Variants in MNS1 observed in about 807,000 individuals in gnomAD.
MNS1 encodes the protein meiosis specific nuclear structural 1.
A neutral mutation model predicts 72.0 loss-of-function variants in MNS1; 63 were observed. The observed-to-expected ratio is 0.87, with a 90% confidence interval of 0.71 to 1.08. The LOEUF is 1.08. MNS1 is among the 50% of genes least tolerant of loss of function. The pLI, the probability that MNS1 is intolerant of heterozygous loss-of-function variation, is 0.00. For synonymous variants in MNS1, 188 were observed against 172.1 expected (o/e 1.09, Z -0.72); for missense variants, 604 against 562.4 (o/e 1.07, Z -0.75).
chr15:56,444,898 C>T (rs1410464276), intron 4 of MNS1, among the ~76,000 whole-genome samples: 2 of 152,018 alleles, frequency 1.3e-5, no homozygotes, highest in African/African-American at 2.4e-5. Context: ...TCTCTCAGGA[C>T]AATACCTGAT....
Position 56,428,732 on chromosome 15 carries a change from A to G in MNS1, c.*369T>C, listed in dbSNP as rs1180701436. Reference sequence around the variant, plus strand: ...TAGACCAAAAAAGATGCTTTAAAAGAAAATTCCAAATATTTATTTCCCTGG... The same window carrying G: ...TAGACCAAAAAAGATGCTTTAAAAGGAAATTCCAAATATTTATTTCCCTGG... On this transcript the variant is annotated 3_prime_UTR_variant, in exon 10 of 10. Transcript: ENST00000260453. The G allele has an allele frequency of 2.8e-6, 1 of 363,628 alleles. No individual in the cohort carries two copies. Among genetic ancestry groups the G allele is most frequent in the African/African-American group, 2.1e-5 (1 of 47,816 alleles). The allele number at this position is 363,628 out of a possible 1,614,324, so 22.5% of individuals were successfully genotyped here.
intron 2 of MNS1, among the ~76,000 whole-genome samples, chr15:56,457,189 G>A (rs771009949): frequency 5.2e-4 from 79 of 152,212 alleles, no homozygotes; most frequent in Non-Finnish European, 7.9e-4. Context: ...CATACATCCC[G>A]TAGAATGTTC....
intron 3 of MNS1, chr15:56,447,400 C>A (rs1336775836): frequency 1.3e-5 from 2 of 153,164 alleles, no homozygotes; most frequent in African/African-American, 4.8e-5. Context: ...GTACTAATAT[C>A]TTTACATTAC....
chr15:56,461,885 G>A (rs893817703), intron 2 of MNS1, among the ~76,000 whole-genome samples: 5 of 150,560 alleles, frequency 3.3e-5, no homozygotes, highest in African/African-American at 9.8e-5. Flanking sequence ...AAGAAAATAG[G>A]ACACCAATTC....
chr15:56,441,398 T>C (rs1454201695), intron 7 of MNS1, among the ~76,000 whole-genome samples: 4 of 152,318 alleles, frequency 2.6e-5, no homozygotes, highest in Non-Finnish European at 4.4e-5. Context: ...AGGTCAAGTT[T>C]ATTGATATTG....
intron 7 of MNS1, among the ~76,000 whole-genome samples, chr15:56,437,790 A>G (rs1204786006): frequency 6.6e-6 from 1 of 152,158 alleles, no homozygotes; most frequent in Non-Finnish European, 1.5e-5. Flanking sequence ...AAATCAATGT[A>G]CAAAAATCAC....
chr15:56,431,326 A>C (rs1470552345), intron 9 of MNS1, 47 bp downstream of exon 9: 1 of 1,580,444 alleles, frequency 6.3e-7, no homozygotes, highest in Non-Finnish European at 8.6e-7. Context: ...TGTTTTTTTC[A>C]CTATTACAGG....
chr15:56,431,133 GATAA>G (rs2050581622), intron 9 of MNS1, among the ~76,000 whole-genome samples: 2 of 152,124 alleles, frequency 1.3e-5, no homozygotes, highest in African/African-American at 4.8e-5. Flanking sequence ...CAGCCTGGGC[GATAA>G]ATAAGGTACA....
At chr15:56,446,796 T>C in intron 4 of MNS1, 45 bp downstream of exon 4, 1 of 1,408,274 alleles carries the variant, frequency 7.1e-7, no homozygotes, top group East Asian at 2.3e-5. Context: ...CTAATTTTTA[T>C]TTTCTAAATG....
Position 56,434,375 on chromosome 15 carries a change from C to A in MNS1, c.1032G>T (p.Leu344Phe). 6.2e-7 allele frequency: 1 copy of A among 1,611,906 alleles called. No homozygotes were observed. Among genetic ancestry groups the A allele is most frequent in the South Asian group, 1.1e-5 (1 of 90,806 alleles). ...SKLKEEAEKKLRKQKEMKQDF... is the reference protein window; with the variant it reads ...SKLKEEAEKKFRKQKEMKQDF... ...CTTGCTTCATCTCTTTTTGCTTTCT[C>A]AATTTCTTTTCTGCTTCTTCCTAAA... Residue 344 changes from leucine to phenylalanine, a missense_variant, in exon 8 of 10, where the codon TTG becomes TTT. Coordinates refer to ENST00000260453, the MANE Select transcript of MNS1 (RefSeq NM_018365.4).
chr15:56,436,813 T>A (rs1001710547), intron 7 of MNS1, among the ~76,000 whole-genome samples: 3 of 152,108 alleles, frequency 2.0e-5, no homozygotes, highest in South Asian at 4.1e-4. Flanking sequence ...CATCAGAGAA[T>A]ACTATAAACA....
At chr15:56,436,662 C>A (rs1328847487) in intron 7 of MNS1, among the ~76,000 whole-genome samples, 1 of 152,074 alleles carries the variant, frequency 6.6e-6, no homozygotes, top group Non-Finnish European at 1.5e-5. Flanking sequence ...ATCAGTGAAT[C>A]CAGGAGCTGG....
At position 56,456,306 on chromosome 15, in the gene MNS1, CAAAG is replaced by C. The variant is rs1246105927; in HGVS notation, c.353+84_353+87del. The C allele has an allele frequency of 1.0e-5, 13 of 1,243,204 alleles. No homozygotes were observed. The Middle Eastern group carries it at 2.0e-3, about 194-fold the overall frequency. The allele number at this position is 1,243,204 out of a possible 1,614,324, so 77.0% of individuals were successfully genotyped here. On this transcript the variant is annotated intron_variant, in intron 3 of 9. Transcript: ENST00000260453. ...TATTAACTAAGTGAAATGACATAAA[CAAAG>C]AAATTTCACTTTCAGGTGCTAAGGA...
Position 56,444,501 on chromosome 15 carries a change from A to G in MNS1, c.629T>C (p.Leu210Pro). 6.2e-7 allele frequency: 1 copy of G among 1,611,024 alleles called. No individual in the cohort carries two copies. Among genetic ancestry groups the G allele is most frequent in the Non-Finnish European group, 8.5e-7 (1 of 1,179,250 alleles). Residue 210 changes from leucine to proline, a missense_variant, in exon 5 of 10, where the codon CTA (leucine) becomes CCA (proline). By Grantham distance (98) the Leu-to-Pro change is moderately conservative. Coordinates refer to ENST00000260453, the MANE Select transcript of MNS1 (RefSeq NM_018365.4). ...TTCATCAATCATGAGTTTCTCTTTT[A>G]GCAGCTGCTCATAAGCTTCCTGCTT... ...KKKQEAYEQL[L>P]KEKLMIDEIV... is the part of the protein sequence containing the mutation.
intron 7 of MNS1, 106 bp downstream of exon 7, chr15:56,443,324 T>C (rs1240949357): frequency 1.0e-5 from 8 of 784,844 alleles, no homozygotes; most frequent in African/African-American, 8.9e-5. Context: ...TTACATATAA[T>C]GTAATTACCA....
Position 56,443,808 on chromosome 15 carries a change from T to C in MNS1, c.733A>G (p.Ile245Val). Residue 245 changes from isoleucine (I) to valine (V), a missense_variant, in exon 6 of 10, where the codon ATA (isoleucine) becomes GTA (valine). Transcript: ENST00000260453. The part of the protein sequence containing the change: ...LEKMNAMRRY[I>V]EEFQKEQALW... ...GCCTGCTCTTTCTGAAACTCTTCTA[T>C]ATACCTTCGCATTGCATTCATTTTT... is the stretch of plus-strand genomic sequence containing the variant. The C allele has an allele frequency of 6.2e-7, 1 of 1,611,336 alleles. No homozygotes were observed. Among genetic ancestry groups the C allele is most frequent in the South Asian group, 1.1e-5 (1 of 90,310 alleles).
At position 56,443,430 on chromosome 15, in the gene MNS1, T is replaced by C; in HGVS notation, c.1011A>G (p.Lys337=). 1 of 1,560,184 alleles carries C rather than the reference T, an allele frequency of 6.4e-7. No individual in the cohort carries two copies. The highest frequency in any genetic ancestry group is 8.6e-7 in the Non-Finnish European group (1 of 1,161,132). The change falls in exon 7 of 10, where the codon AAA becomes AAG. Residue 337 remains lysine, a splice_region_variant and synonymous_variant. Coordinates refer to ENST00000260453, the MANE Select transcript of MNS1 (RefSeq NM_018365.4). ...CATTCTTTCCATTTCTGAAACTTAC[T>C]TTTAGCTTGCTCTTATATATTTCAG... ...EQAEIYKSKL[K]EEAEKKLRKQ... is the part of the protein sequence containing the mutation.
chr15:56,465,010 G>C lies in MNS1; in HGVS notation c.-38C>G. 3 of 1,601,188 alleles carry C rather than the reference G, an allele frequency of 1.9e-6. No individual in the cohort carries two copies. The highest frequency in any genetic ancestry group is 2.6e-6 in the Non-Finnish European group (3 of 1,174,834). On this transcript the variant is annotated 5_prime_UTR_variant, in exon 1 of 10. Transcript: ENST00000260453. Reference sequence around the variant, plus strand: ...AAAATACCCCCTCTCGTGGGACCGCGGCCACCACCTCCCGCCGCAAACGCA... The same window carrying C: ...AAAATACCCCCTCTCGTGGGACCGCCGCCACCACCTCCCGCCGCAAACGCA...
chr15:56,429,603 C>G (rs1197910528), intron 9 of MNS1: 1 of 153,124 alleles, frequency 6.5e-6, no homozygotes. Context: ...AGTTCTATGG[C>G]TAATCAGCAA....
Sources: gnomAD v4.1 joint callset for allele counts (sites outside exome capture counted in the v4.1 genomes callset) on GRCh38, gnomAD v4.1.1 for gene constraint, MANE v1.5 for transcripts, NCBI Gene and HGNC (gene_info 2026-07-23, HGNC 2026-07-21) for gene names.